The following GLIS3 variants were observed in gnomAD, a reference collection of about 807,000 sequenced individuals.
GLIS3 encodes GLIS family zinc finger 3.
A neutral mutation model predicts 78.6 loss-of-function variants in GLIS3; 53 were observed. The ratio of observed to expected loss-of-function variants is 0.67; its 90% CI spans 0.54 to 0.85. The LOEUF (loss-of-function observed/expected upper bound fraction) is 0.85. Ranked by LOEUF, GLIS3 falls within the 40% of genes least tolerant of loss-of-function variation. The pLI is 0.00. For missense variants in GLIS3, 1,703 were observed against 1,231.1 expected, an observed-to-expected ratio of 1.38 and a Z score of -5.74; for synonymous variants, 684 against 509.9, an observed-to-expected ratio of 1.34 and a Z score of -4.60.
chr9:4,263,713 G>A (rs1444426339), intron 2 of GLIS3, among the ~76,000 whole-genome samples: 1 of 152,190 alleles, frequency 6.6e-6, no homozygotes, highest in East Asian at 1.9e-4. Flanking sequence ...CAATGCAATA[G>A]AGTATTTTGT....
chr9:4,125,618 G>T, intron 3 of GLIS3, 116 bp downstream of exon 3: 1 of 774,776 alleles, frequency 1.3e-6, no homozygotes, highest in East Asian at 2.5e-5. Context: ...AGTTGCTTGA[G>T]TGTGTAAGTG....
In GLIS3 at chr9:3,829,303, AAC is replaced by A; in HGVS notation, c.2656+5_2656+6del. 6.2e-7 allele frequency: 1 copy of A among 1,613,558 alleles called. No individual in the cohort carries two copies. The highest frequency in any genetic ancestry group is 8.5e-7 in the Non-Finnish European group (1 of 1,179,604). ...AGGATTTTCTAAGTCACAGACAACC[AAC>A]ACACCTGTAATGCCCGAGTGAGTCG... On this transcript the variant is annotated splice_donor_5th_base_variant and intron_variant, in intron 10 of 10. Coordinates refer to ENST00000381971, the MANE Select transcript of GLIS3 (RefSeq NM_001042413.2).
chr9:3,870,408 G>A (rs189768700), intron 8 of GLIS3, among the ~76,000 whole-genome samples: 2 of 152,268 alleles, frequency 1.3e-5, no homozygotes, highest in Non-Finnish European at 2.9e-5. Flanking sequence ...AAATGAAAAT[G>A]AAAATACAAC....
chr9:3,908,309 C>G (rs1048936667), intron 6 of GLIS3, among the ~76,000 whole-genome samples: 1 of 152,152 alleles, frequency 6.6e-6, no homozygotes, highest in Non-Finnish European at 1.5e-5. Flanking sequence ...TACATTGAGT[C>G]CTAATCTAAC....
chr9:3,984,486 A>G (rs777771608), intron 4 of GLIS3, among the ~76,000 whole-genome samples: 1 of 152,302 alleles, frequency 6.6e-6, no homozygotes, highest in Admixed American at 6.5e-5. Flanking sequence ...AATTTCTCCC[A>G]TTTGGAATGG....
chr9:4,120,252 T>C (rs1832073278), intron 3 of GLIS3, among the ~76,000 whole-genome samples: 1 of 152,172 alleles, frequency 6.6e-6, no homozygotes, highest in African/African-American at 2.4e-5. Context: ...GCATATGATA[T>C]TAGCAAGAAA....
At chr9:4,453,404 T>C in the GLIS3 span, among the ~76,000 whole-genome samples, 1 of 133,440 alleles carries the variant, frequency 7.5e-6, no homozygotes, top group Non-Finnish European at 1.6e-5. Context: ...ACCTACAGAA[T>C]GGGAGGAAAT....
In GLIS3 at chr9:4,141,450, C is replaced by A. The variant is rs1035772785; in HGVS notation, c.389-15509G>T. On this transcript the variant is annotated intron_variant, in intron 2 of 10. Transcript: ENST00000381971. ...GGCTATGTGGGGCTTGGTCAAAGGG[C>A]ATCTCAGCAGTAACCTGAAGAACCA... 3.3e-5 allele frequency among the ~76,000 whole-genome samples: 5 copies of A among 152,306 alleles called. No individual in the cohort carries two copies. The Middle Eastern group carries it at 0.01, about 311-fold the overall frequency.
intron 4 of GLIS3, chr9:4,071,038 T>C (rs1464749618): frequency 6.6e-6 from 1 of 152,216 alleles, no homozygotes; most frequent in Non-Finnish European, 1.5e-5. Context: ...TTATGATGCT[T>C]TGACCAATGT....
intron 4 of GLIS3, among the ~76,000 whole-genome samples, chr9:4,050,829 CA>C: frequency 6.6e-6 from 1 of 152,150 alleles, no homozygotes; most frequent in East Asian, 1.9e-4. Context: ...CACCCCTCCC[CA>C]TCAGAGATGG....
intron 4 of GLIS3, among the ~76,000 whole-genome samples, chr9:4,080,767 T>C (rs1171611592): frequency 2.0e-5 from 3 of 152,276 alleles, no homozygotes; most frequent in Middle Eastern, 3.4e-3. Context: ...GGCATTAAAA[T>C]ACATTACAAA....
At chr9:3,863,497 G>A (rs973095454) in intron 8 of GLIS3, among the ~76,000 whole-genome samples, 9 of 152,214 alleles carry the variant, frequency 5.9e-5, no homozygotes, top group African/African-American at 2.2e-4. Context: ...AATAGTCCAA[G>A]AGCCTAATCT....
chr9:4,035,277 A>G (rs972283708), intron 4 of GLIS3, among the ~76,000 whole-genome samples: 1 of 152,114 alleles, frequency 6.6e-6, no homozygotes, highest in Non-Finnish European at 1.5e-5. Context: ...AAGATCCTAC[A>G]GATAGTGAGC....
chr9:4,479,739 G>T, the GLIS3 span, among the ~76,000 whole-genome samples: 37 of 152,122 alleles, frequency 2.4e-4, no homozygotes, highest in African/African-American at 8.9e-4. Flanking sequence ...AACCTGGGAG[G>T]CAGACCCCTA....
intron 4 of GLIS3, among the ~76,000 whole-genome samples, chr9:3,965,505 A>G (rs1350031575): frequency 6.6e-6 from 1 of 151,998 alleles, no homozygotes; most frequent in East Asian, 1.9e-4. Flanking sequence ...CTCTTTCCTA[A>G]TTCTATCACT....
the GLIS3 span, among the ~76,000 whole-genome samples, chr9:4,479,796 C>T: frequency 6.6e-6 from 1 of 152,054 alleles, no homozygotes; most frequent in Non-Finnish European, 1.5e-5. Flanking sequence ...TTCTAACATA[C>T]ACTCCTTCCT....
At chr9:4,056,973 A>C (rs1422947167) in intron 4 of GLIS3, among the ~76,000 whole-genome samples, 2 of 150,562 alleles carry the variant, frequency 1.3e-5, no homozygotes, top group Non-Finnish European at 2.9e-5. Flanking sequence ...ATGATGACTA[A>C]GAATGTGAAT....
intron 4 of GLIS3, among the ~76,000 whole-genome samples, chr9:4,046,949 T>G (rs1825300472): frequency 1.3e-5 from 2 of 152,204 alleles, no homozygotes. Context: ...CCCTGGCAGA[T>G]GCTCAAAGTC....
At chr9:4,331,754 G>A (rs371523737) in intron 2 of GLIS3, among the ~76,000 whole-genome samples, 47 of 152,216 alleles carry the variant, frequency 3.1e-4, no homozygotes, top group Admixed American at 3.3e-4. Context: ...AATGTCTAAG[G>A]TGAGACCTGA....
Sources: gnomAD v4.1 joint callset for allele counts (sites outside exome capture counted in the v4.1 genomes callset) on GRCh38, gnomAD v4.1.1 for gene constraint, MANE v1.5 for transcripts, NCBI Gene and HGNC (gene_info 2026-07-23, HGNC 2026-07-21) for gene names.